TMEM245: variants seen among roughly 807,000 people sequenced by gnomAD.
The protein encoded by TMEM245 is protein CG-2.
Under a neutral mutation model 101.2 loss-of-function variants are expected in TMEM245, and 69 were observed. The ratio of observed to expected loss-of-function variants is 0.68; its 90% CI spans 0.56 to 0.83. TMEM245 has a LOEUF of 0.83. TMEM245 is among the 40% of genes least tolerant of loss of function. The probability of loss-of-function intolerance (pLI) is 0.00; values close to 1 mark genes in which losing one functional copy is unlikely to be tolerated. For synonymous variants in TMEM245, 537 were observed against 449.8 expected, an observed-to-expected ratio of 1.19 and a Z score of -2.45; for missense variants, 1,075 against 1,092.8, an observed-to-expected ratio of 0.98 and a Z score of 0.23.
intron 17 of TMEM245, among the ~76,000 whole-genome samples, chr9:109,026,204 A>T (rs1564166890): frequency 6.6e-6 from 1 of 152,148 alleles, no homozygotes; most frequent in Non-Finnish European, 1.5e-5. Context: ...ATTAAAATAG[A>T]CTTGGTCCTG....
chr9:109,094,541 C>CT (rs1830089806), intron 3 of TMEM245, among the ~76,000 whole-genome samples: 1 of 152,206 alleles, frequency 6.6e-6, no homozygotes, highest in African/African-American at 2.4e-5. Context: ...TGTCTGATCT[C>CT]TAACTTCACG....
chr9:109,101,760 G>A (rs987896457), intron 3 of TMEM245, among the ~76,000 whole-genome samples: 1 of 152,122 alleles, frequency 6.6e-6, no homozygotes, highest in African/African-American at 2.4e-5. Context: ...ACAGCAATCT[G>A]GCTTGCATAT....
chr9:109,090,966 C>T lies in TMEM245; in HGVS notation c.1106G>A (p.Trp369Ter). 6.2e-7 allele frequency: 1 copy of T among 1,614,168 alleles called. No homozygotes were observed. The highest frequency in any genetic ancestry group is 8.5e-7 in the Non-Finnish European group (1 of 1,180,044). Reference sequence around the variant, plus strand: ...CAACTGCACAATCCACAGGTTCAACCAGATCTGCATGACGACAATGGCCCA... The same window carrying T: ...CAACTGCACAATCCACAGGTTCAACTAGATCTGCATGACGACAATGGCCCA... ...LVWAIVVMQI[W>*]LNLWIVQLLP... The change falls in exon 5 of 18, where the codon TGG becomes TAG. Residue 369 changes from tryptophan to a stop codon, truncating the protein, a stop_gained. Transcript: ENST00000374586. LOFTEE classifies it high-confidence loss of function.
chr9:109,095,278 A>G (rs1286314371), intron 3 of TMEM245, among the ~76,000 whole-genome samples: 1 of 152,200 alleles, frequency 6.6e-6, no homozygotes, highest in Non-Finnish European at 1.5e-5. Flanking sequence ...CATTTCTTAC[A>G]TGTACTGTGT....
intron 9 of TMEM245, among the ~76,000 whole-genome samples, chr9:109,070,369 G>A (rs1039480728): frequency 1.3e-5 from 2 of 152,124 alleles, no homozygotes; most frequent in African/African-American, 4.8e-5. Flanking sequence ...TCTATTTCCT[G>A]TCTTGGTGAA....
chr9:109,053,116 T>C (rs1445809748), intron 12 of TMEM245, among the ~76,000 whole-genome samples: 1 of 152,042 alleles, frequency 6.6e-6, no homozygotes, highest in Non-Finnish European at 1.5e-5. Flanking sequence ...CAAAACACAT[T>C]TATGGAGACA....
chr9:109,061,456 A>G (rs965497042), intron 10 of TMEM245, among the ~76,000 whole-genome samples: 3 of 152,232 alleles, frequency 2.0e-5, no homozygotes, highest in South Asian at 2.1e-4. Flanking sequence ...CTACTTCATT[A>G]TAAACATTCA....
In TMEM245 at chr9:109,090,983, A is replaced by G. The variant is rs1278497896; in HGVS notation, c.1089T>C (p.Ile363=). ...DIYFVSLVWA[I]VVMQIWLNLW... is the part of the protein sequence containing the mutation. ...GGTTCAACCAGATCTGCATGACGAC[A>G]ATGGCCCAAACTAGAGACACAAAGT... Residue 363 remains isoleucine (I), a synonymous_variant, in exon 5 of 18, where the codon ATT becomes ATC. Transcript: ENST00000374586. 1 of 1,614,182 alleles carries G rather than the reference A, an allele frequency of 6.2e-7. No individual in the cohort carries two copies. The highest frequency in any genetic ancestry group is 8.5e-7 in the Non-Finnish European group (1 of 1,180,040).
chr9:109,057,132 T>C lies in TMEM245; in HGVS notation c.1854+59A>G. ...GGCCTCAAAGTGTATGAAGAAAACT[T>C]GGAATTACAGTTTGTTTTTATTTTG... is the stretch of plus-strand genomic sequence containing the variant. On this transcript the variant is annotated intron_variant, in intron 12 of 17. Coordinates refer to ENST00000374586, the MANE Select transcript of TMEM245 (RefSeq NM_032012.4). The C allele has an allele frequency of 4.4e-6, 7 of 1,573,848 alleles. No homozygotes were observed. In the South Asian group the frequency reaches 8.1e-5, roughly 18 times the overall value.
intron 3 of TMEM245, among the ~76,000 whole-genome samples, chr9:109,097,912 C>T (rs1830182845): frequency 6.6e-6 from 1 of 152,144 alleles, no homozygotes; most frequent in Non-Finnish European, 1.5e-5. Flanking sequence ...GAGAGAGATT[C>T]CGTCTTGAAA....
intron 14 of TMEM245, among the ~76,000 whole-genome samples, chr9:109,047,183 A>T (rs1455866027): frequency 2.0e-5 from 3 of 152,224 alleles, no homozygotes; most frequent in Non-Finnish European, 4.4e-5. Flanking sequence ...GGTTGTTAAA[A>T]TTTTTTCTGT....
chr9:109,046,011 C>T (rs1311447962), intron 14 of TMEM245, among the ~76,000 whole-genome samples: 1 of 152,012 alleles, frequency 6.6e-6, no homozygotes, highest in Non-Finnish European at 1.5e-5. Flanking sequence ...AAAATGGAAA[C>T]ACTGATTTAC....
intron 11 of TMEM245, among the ~76,000 whole-genome samples, chr9:109,059,137 G>C (rs973113782): frequency 6.6e-6 from 1 of 152,118 alleles, no homozygotes; most frequent in African/African-American, 2.4e-5. Flanking sequence ...AAAAGAAATA[G>C]ATATACCTTT....
intron 8 of TMEM245, among the ~76,000 whole-genome samples, chr9:109,080,475 C>G (rs1464257902): frequency 6.6e-6 from 1 of 151,850 alleles, no homozygotes; most frequent in African/African-American, 2.4e-5. Context: ...AGGTGGTAAT[C>G]AGCAAATTCT....
intron 5 of TMEM245, 128 bp from the exon 6 acceptor site, chr9:109,087,470 T>A: frequency 1.0e-6 from 1 of 991,836 alleles, no homozygotes; most frequent in Non-Finnish European, 1.4e-6. Context: ...AGATCAATGT[T>A]AAAAAGCAGG....
chr9:109,119,493 G>C lies in TMEM245; in HGVS notation c.421C>G (p.Gln141Glu), dbSNP rs1469126107. Residue 141 changes from glutamine to glutamate, a missense_variant, in exon 1 of 18, where the codon CAG becomes GAG. By Grantham distance (29) the Gln-to-Glu change is conservative. This residue lies in a region of TMEM245 where 808 missense variants were observed against 741.5 expected (regional missense o/e 1.09). Transcript: ENST00000374586. ...AGCAGGCGGCGGCGGCGCAGCGCCT[G>C]CTCGCCCAGGGCCTCGACGCCGTAG... ...VDYGVEALGE[Q>E]ALRRRRLLLL... 35 of 1,495,174 alleles carry C rather than the reference G, an allele frequency of 2.3e-5. No homozygotes were observed. The highest frequency in any genetic ancestry group is 2.7e-5 in the Non-Finnish European group (31 of 1,131,534). The allele number at this position is 1,495,174 out of a possible 1,614,324, so 92.6% of individuals were successfully genotyped here.
chr9:109,102,199 C>A (rs1830298944), intron 3 of TMEM245, among the ~76,000 whole-genome samples: 1 of 152,064 alleles, frequency 6.6e-6, no homozygotes, highest in South Asian at 2.1e-4. Flanking sequence ...CAGAGTCTAA[C>A]AGATTATAAC....
chr9:109,087,239 C>A lies in TMEM245; in HGVS notation c.1254G>T (p.Arg418=). 1 of 1,613,890 alleles carries A rather than the reference C, an allele frequency of 6.2e-7. No homozygotes were observed. Among genetic ancestry groups the A allele is most frequent in the Non-Finnish European group, 8.5e-7 (1 of 1,179,916 alleles). ...WGIIESFLKE[R]QGALAPWPIV... Reference sequence around the variant, plus strand: ...TGGGCCAAGGCGCGAGAGCTCCCTGCCGCTCCTTCAGGAAGCTTTCTATAA... The same window carrying A: ...TGGGCCAAGGCGCGAGAGCTCCCTGACGCTCCTTCAGGAAGCTTTCTATAA... Residue 418 remains arginine (R), a synonymous_variant, in exon 6 of 18, where the codon CGG becomes CGT. Transcript: ENST00000374586.
intron 3 of TMEM245, 127 bp from the exon 4 acceptor site, chr9:109,093,718 G>A (rs1830067921): frequency 2.6e-6 from 2 of 762,896 alleles, no homozygotes; most frequent in African/African-American, 1.8e-5. Flanking sequence ...TGAATAAGTG[G>A]TTCTTCACCA....
Sources: gnomAD v4.1 joint callset for allele counts (sites outside exome capture counted in the v4.1 genomes callset) on GRCh38, gnomAD v4.1.1 for gene constraint, gnomAD v4.1.1 regional missense constraint, MANE v1.5 for transcripts, NCBI Gene and HGNC (gene_info 2026-07-23, HGNC 2026-07-21) for gene names.